NXPH1: variants seen among roughly 807,000 people sequenced by gnomAD.
NXPH1 encodes neurexophilin 1.
Under a neutral mutation model 23.7 loss-of-function variants are expected in NXPH1, and 5 were observed. That is an observed-to-expected ratio of 0.21 (90% CI 0.11 to 0.44). The LOEUF is 0.44. Ranked by LOEUF, NXPH1 falls within the 20% of genes least tolerant of loss-of-function variation. The pLI, the probability that NXPH1 is intolerant of heterozygous loss-of-function variation, is 0.99. For synonymous variants in NXPH1, 144 were observed against 122.2 expected (o/e 1.18, Z -1.18); for missense variants, 324 against 321.6 (o/e 1.01, Z -0.06).
intron 2 of NXPH1, among the ~76,000 whole-genome samples, chr7:8,510,833 A>G (rs1817600293): frequency 6.6e-6 from 1 of 152,128 alleles, no homozygotes. Flanking sequence ...CTCTACACTG[A>G]AAGTATAGTC....
At position 8,480,721 on chromosome 7, in the gene NXPH1, G is replaced by A. The variant is rs117725931; in HGVS notation, c.54+44954G>A. 3.1e-3 allele frequency among the ~76,000 whole-genome samples: 477 copies of A among 152,114 alleles called. 3 individuals carry two copies. Among genetic ancestry groups the A allele is most frequent in the Non-Finnish European group, 4.2e-3 (284 of 67,996 alleles). On this transcript the variant is annotated intron_variant, in intron 2 of 2. Coordinates refer to ENST00000405863, the MANE Select transcript of NXPH1 (RefSeq NM_152745.3). ...TCTTTATTTAATTTATCCATCTATC[G>A]TGTGAACTTTGCCACCCGGCAATTG...
rs143820423 is a variant in NXPH1 at position 8,491,646 on chromosome 7, G to A, written c.54+55879G>A. 1.7e-3 allele frequency among the ~76,000 whole-genome samples: 257 copies of A among 152,086 alleles called. 1 individual carries two copies. The highest frequency in any genetic ancestry group is 5.9e-3 in the African/African-American group (243 of 41,530). ...ATGTGGAAAGCTAGAAAGGGCTATCGTTTAGGCTGGCTTCCCATCATCTTA... is the reference window on the plus strand; with the variant it reads ...ATGTGGAAAGCTAGAAAGGGCTATCATTTAGGCTGGCTTCCCATCATCTTA... On this transcript the variant is annotated intron_variant, in intron 2 of 2. Coordinates refer to ENST00000405863, the MANE Select transcript of NXPH1 (RefSeq NM_152745.3).
intron 2 of NXPH1, among the ~76,000 whole-genome samples, chr7:8,547,386 G>A (rs1818213251): frequency 2.0e-5 from 3 of 151,430 alleles, no homozygotes; most frequent in Non-Finnish European, 4.4e-5. Context: ...TCACTTCTCA[G>A]TAAGACAGTT....
rs1003468201 is a variant in NXPH1, at chr7:8,752,095, G to T, written c.*326G>T. 7 of 236,094 alleles carry T rather than the reference G, an allele frequency of 3.0e-5. No homozygotes were observed. Among genetic ancestry groups the T allele is most frequent in the Non-Finnish European group, 5.0e-5 (6 of 119,022 alleles). The allele number at this position is 236,094 out of a possible 1,614,324, so 14.6% of individuals were successfully genotyped here. A position where few individuals can be genotyped will look rare whatever the true frequency, so the allele number is the denominator to read the frequency against. On this transcript the variant is annotated 3_prime_UTR_variant, in exon 3 of 3. Coordinates refer to ENST00000405863, the MANE Select transcript of NXPH1 (RefSeq NM_152745.3). Reference sequence around the variant, plus strand: ...CCTGTTGAGAGGGCTTTCATTGTCTGACTCATAATGGTTCAGGATCAACTA... The same window carrying T: ...CCTGTTGAGAGGGCTTTCATTGTCTTACTCATAATGGTTCAGGATCAACTA...
intron 2 of NXPH1, among the ~76,000 whole-genome samples, chr7:8,449,230 A>G (rs1035090573): frequency 2.6e-5 from 4 of 152,244 alleles, no homozygotes; most frequent in African/African-American, 7.2e-5. Context: ...TGAGAGCCAC[A>G]GTATCCCTCT....
At chr7:8,486,090 T>A (rs1042767742) in intron 2 of NXPH1, among the ~76,000 whole-genome samples, 1 of 152,214 alleles carries the variant, frequency 6.6e-6, no homozygotes, top group African/African-American at 2.4e-5. Context: ...ATGCCATTTC[T>A]TTCCCCATCT....
chr7:8,534,566 A>G (rs756861488), intron 2 of NXPH1, among the ~76,000 whole-genome samples: 17 of 152,154 alleles, frequency 1.1e-4, no homozygotes, highest in Non-Finnish European at 2.5e-4. Flanking sequence ...CATAGTATGT[A>G]AAATAGGGAG....
chr7:8,464,637 C>T lies in NXPH1; in HGVS notation c.54+28870C>T, dbSNP rs189371337. ...ATTCTGTTTAGTTCTGTTAAGGCAA[C>T]CTAGAAAAGATAACCAATTTCCTCG... On this transcript the variant is annotated intron_variant, in intron 2 of 2. Coordinates refer to ENST00000405863, the MANE Select transcript of NXPH1 (RefSeq NM_152745.3). 2.0e-3 allele frequency among the ~76,000 whole-genome samples: 311 copies of T among 152,176 alleles called. 3 individuals carry two copies. Among genetic ancestry groups the T allele is most frequent in the Admixed American group, 4.3e-3 (66 of 15,278 alleles).
At chr7:8,446,296 G>C (rs6978943) in intron 2 of NXPH1, among the ~76,000 whole-genome samples, 73,798 of 151,896 alleles carry the variant, frequency 0.49, 19,249 homozygotes, top group East Asian at 0.76. Context: ...TGTACTTGAC[G>C]TGTTTTGAAA....
At chr7:8,477,669 T>A (rs115494753) in intron 2 of NXPH1, among the ~76,000 whole-genome samples, 3,261 of 152,214 alleles carry the variant, frequency 0.021, 132 homozygotes, top group African/African-American at 0.075. Context: ...TTAATAGGAA[T>A]CACCTCCTGC....
intron 2 of NXPH1, among the ~76,000 whole-genome samples, chr7:8,567,416 G>A (rs1562405163): frequency 6.6e-6 from 1 of 151,878 alleles, no homozygotes; most frequent in African/African-American, 2.4e-5. Context: ...AAGGCTGTGG[G>A]CAGGGCCCAC....
At chr7:8,486,832 C>A (rs1258482131) in intron 2 of NXPH1, among the ~76,000 whole-genome samples, 1 of 152,076 alleles carries the variant, frequency 6.6e-6, no homozygotes, top group Non-Finnish European at 1.5e-5. Flanking sequence ...TAATTCCTAC[C>A]TTTTAATCAG....
At chr7:8,631,615 G>C (rs1271589563) in intron 2 of NXPH1, among the ~76,000 whole-genome samples, 2 of 151,874 alleles carry the variant, frequency 1.3e-5, no homozygotes, top group African/African-American at 2.4e-5. Flanking sequence ...TTTTATTTTT[G>C]ACAGCTTTGT....
intron 2 of NXPH1, among the ~76,000 whole-genome samples, chr7:8,582,112 T>C (rs1412826225): frequency 6.6e-6 from 1 of 152,192 alleles, no homozygotes; most frequent in Non-Finnish European, 1.5e-5. Context: ...AGGCTGTTGC[T>C]GGATCAGATG....
intron 2 of NXPH1, among the ~76,000 whole-genome samples, chr7:8,625,823 G>A (rs1436920976): frequency 6.6e-6 from 1 of 152,122 alleles, no homozygotes; most frequent in African/African-American, 2.4e-5. Flanking sequence ...TTTTTGGAAA[G>A]GATTTTGGCA....
At chr7:8,505,749 G>A (rs1307153492) in intron 2 of NXPH1, among the ~76,000 whole-genome samples, 1 of 152,066 alleles carries the variant, frequency 6.6e-6, no homozygotes, top group Admixed American at 6.6e-5. Context: ...AAATAACTAT[G>A]TTAGGCACAT....
At chr7:8,439,801 G>A (rs988329197) in intron 2 of NXPH1, among the ~76,000 whole-genome samples, 1 of 152,192 alleles carries the variant, frequency 6.6e-6, no homozygotes, top group Non-Finnish European at 1.5e-5. Flanking sequence ...CACTCATTAT[G>A]AAGATGGCTG....
intron 2 of NXPH1, among the ~76,000 whole-genome samples, chr7:8,735,618 C>A (rs900024826): frequency 6.6e-6 from 1 of 152,058 alleles, no homozygotes; most frequent in Non-Finnish European, 1.5e-5. Context: ...TGTGTCTCTG[C>A]CAGGTTTTGG....
chr7:8,635,394 T>C (rs549689053), intron 2 of NXPH1, among the ~76,000 whole-genome samples: 1 of 152,340 alleles, frequency 6.6e-6, no homozygotes, highest in Non-Finnish European at 1.5e-5. Context: ...TTTCTTTTCC[T>C]ACCTTTCTCT....
Sources: allele counts gnomAD v4.1 joint callset (sites outside exome capture counted in the v4.1 genomes callset), GRCh38; gene constraint gnomAD v4.1.1; transcripts MANE v1.5; gene names NCBI Gene and HGNC (gene_info 2026-07-23, HGNC 2026-07-21).